Variants in CDH2 observed in about 807,000 individuals in gnomAD.
The protein encoded by CDH2 is cadherin 2.
Under a neutral mutation model 92.0 loss-of-function variants are expected in CDH2, and 17 were observed. That is an observed-to-expected ratio of 0.18 (90% confidence interval 0.13 to 0.28). CDH2 has a LOEUF of 0.28. Among genes scored for constraint, CDH2 ranks in the 10% least tolerant of loss-of-function variants. The pLI is 1.00. For synonymous variants in CDH2, 419 were observed against 415.9 expected (o/e 1.01, Z -0.09); for missense variants, 862 against 1,133.1 (o/e 0.76, Z 3.44).
chr18:28,126,052 A>G (rs945205186), intron 2 of CDH2, among the ~76,000 whole-genome samples: 2 of 152,204 alleles, frequency 1.3e-5, no homozygotes, highest in Non-Finnish European at 2.9e-5. Context: ...ACATTTAAAG[A>G]AAAACATGAT....
At chr18:28,093,961 C>T (rs946595631) in intron 2 of CDH2, among the ~76,000 whole-genome samples, 1 of 152,152 alleles carries the variant, frequency 6.6e-6, no homozygotes, top group Non-Finnish European at 1.5e-5. Context: ...TCCTCAAATT[C>T]GACTGGACAC....
At chr18:27,979,958 C>G (rs2011988959) in intron 14 of CDH2, among the ~76,000 whole-genome samples, 1 of 152,110 alleles carries the variant, frequency 6.6e-6, no homozygotes, top group Admixed American at 6.5e-5. Flanking sequence ...AACTCTAATG[C>G]CAAGAACAAA....
At chr18:27,988,242 G>A (rs759182782) in intron 11 of CDH2, among the ~76,000 whole-genome samples, 4 of 152,234 alleles carry the variant, frequency 2.6e-5, no homozygotes, top group Non-Finnish European at 5.9e-5. Context: ...CCAGTGTCTA[G>A]GGCCACTGAG....
chr18:27,943,994 G>T (rs1276174759), intron 6 of CDH2, among the ~76,000 whole-genome samples: 1 of 152,074 alleles, frequency 6.6e-6, no homozygotes, highest in Non-Finnish European at 1.5e-5. Flanking sequence ...GATACCTAAA[G>T]ATTAAGATGG....
In CDH2 at chr18:28,152,561, CA is replaced by C. The variant is rs1442853666; in HGVS notation, c.61-4778del. 2.0e-5 allele frequency among the ~76,000 whole-genome samples: 3 copies of C among 152,250 alleles called. No individual in the cohort carries two copies. In the East Asian group the frequency reaches 5.8e-4, roughly 30 times the overall value. On this transcript the variant is annotated intron_variant, in intron 1 of 15. Coordinates refer to ENST00000269141, the MANE Select transcript of CDH2 (RefSeq NM_001792.5). ...TGAACTAAAACAAGGCAGCAAGAAA[CA>C]GCATAGTGCCTGGGGAATAACAATG...
chr18:27,977,367 T>C (rs1185468338), intron 14 of CDH2, among the ~76,000 whole-genome samples: 1 of 152,186 alleles, frequency 6.6e-6, no homozygotes, highest in Non-Finnish European at 1.5e-5. Flanking sequence ...TTTCTTTTTT[T>C]TTCTTTTTCC....
intron 1 of CDH2, among the ~76,000 whole-genome samples, chr18:28,173,278 T>A (rs1457005019): frequency 6.6e-6 from 1 of 152,138 alleles, no homozygotes; most frequent in Non-Finnish European, 1.5e-5. Context: ...TTACACCTAG[T>A]ATGTTTGTAA....
chr18:28,109,137 A>G (rs1036786166), intron 2 of CDH2, among the ~76,000 whole-genome samples: 3 of 152,180 alleles, frequency 2.0e-5, no homozygotes, highest in African/African-American at 7.2e-5. Context: ...TACTGGAGCT[A>G]GTAAGAAATA....
chr18:28,112,015 A>T lies in CDH2; in HGVS notation c.172+35658T>A, dbSNP rs2015421252. 2.0e-5 allele frequency among the ~76,000 whole-genome samples: 3 copies of T among 152,348 alleles called. No individual in the cohort carries two copies. The South Asian group carries it at 6.2e-4, about 32-fold the overall frequency. ...TTCTTCTATCTACAAAACTAGAAGG[A>T]CAGTCTGACCTTAGCATTTAAGGGT... On this transcript the variant is annotated intron_variant, in intron 2 of 15. Transcript: ENST00000269141.
Position 28,043,961 on chromosome 18 carries a change from A to G in CDH2, c.173-30052T>C, listed in dbSNP as rs1321349772. The stretch of plus-strand genomic sequence containing the variant: ...CTTCTCTTGCTCTGTCACTCAGGCT[A>G]CAGTGCAGTGGCATGATCTCAGCTC... On this transcript the variant is annotated intron_variant, in intron 2 of 15. Transcript: ENST00000269141. Among the ~76,000 whole-genome samples, 4 of 134,562 alleles carry G rather than the reference A, an allele frequency of 3.0e-5. No individual in the cohort carries two copies. In the East Asian group the frequency reaches 9.5e-4, roughly 32 times the overall value. The allele number at this position is 134,562 out of a possible 152,430, so 88.3% of individuals were successfully genotyped here.
At chr18:28,097,137 A>T (rs1009047630) in intron 2 of CDH2, 1 of 152,120 alleles carries the variant, frequency 6.6e-6, no homozygotes, top group Middle Eastern at 3.2e-3. Flanking sequence ...CTGACGGTGT[A>T]CCCGCTCTGA....
chr18:28,131,821 C>T (rs1363274782), intron 2 of CDH2, among the ~76,000 whole-genome samples: 2 of 152,050 alleles, frequency 1.3e-5, no homozygotes, highest in East Asian at 3.9e-4. Flanking sequence ...TTAACGATGT[C>T]ATTAAAAATA....
intron 2 of CDH2, among the ~76,000 whole-genome samples, chr18:28,103,271 A>C (rs1599102623): frequency 1.4e-5 from 2 of 144,868 alleles, no homozygotes; most frequent in South Asian, 4.2e-4. Flanking sequence ...ACTCCTTTAT[A>C]TATATAAAGT....
chr18:27,975,025 G>T (rs2011779712), intron 14 of CDH2, among the ~76,000 whole-genome samples: 1 of 152,060 alleles, frequency 6.6e-6, no homozygotes, highest in Non-Finnish European at 1.5e-5. Flanking sequence ...CAATGAACCA[G>T]GTGTCAGTCA....
chr18:27,958,664 A>C (rs1354339569), intron 15 of CDH2, among the ~76,000 whole-genome samples: 2 of 152,122 alleles, frequency 1.3e-5, no homozygotes, highest in African/African-American at 4.8e-5. Context: ...GTGCACACAC[A>C]ATGATACGGT....
chr18:28,030,279 C>T (rs190220910), intron 2 of CDH2, among the ~76,000 whole-genome samples: 15 of 151,430 alleles, frequency 9.9e-5, no homozygotes, highest in Middle Eastern at 3.4e-3. Flanking sequence ...GAAAAAAACA[C>T]GCACCTAAAC....
intron 2 of CDH2, among the ~76,000 whole-genome samples, chr18:28,101,996 G>A (rs1466651633): frequency 6.6e-6 from 1 of 152,016 alleles, no homozygotes; most frequent in African/African-American, 2.4e-5. Context: ...AAAAAACGAG[G>A]AATGTGCTGG....
intron 1 of CDH2, among the ~76,000 whole-genome samples, chr18:28,151,932 G>A (rs1164100605): frequency 2.6e-5 from 4 of 152,132 alleles, no homozygotes; most frequent in African/African-American, 7.2e-5. Context: ...GAACATGGCT[G>A]TGTTCATTCT....
chr18:28,020,431 G>C (rs1255553885), intron 2 of CDH2, among the ~76,000 whole-genome samples: 1 of 151,906 alleles, frequency 6.6e-6, no homozygotes, highest in Non-Finnish European at 1.5e-5. Context: ...ATTTAAATTA[G>C]CTTCAAAAAT....
Sources: gnomAD v4.1 joint callset for allele counts (sites outside exome capture counted in the v4.1 genomes callset) on GRCh38, gnomAD v4.1.1 for gene constraint, MANE v1.5 for transcripts, NCBI Gene and HGNC (gene_info 2026-07-23, HGNC 2026-07-21) for gene names.